GMDS: variants seen among roughly 807,000 people sequenced by gnomAD.
The protein encoded by GMDS is GDP-mannose 4,6-dehydratase.
A neutral mutation model predicts 49.9 loss-of-function variants in GMDS; 20 were observed. The ratio of observed to expected loss-of-function variants is 0.40; its 90% CI spans 0.28 to 0.58. GMDS has a LOEUF of 0.58. GMDS is among the 20% of genes least tolerant of loss of function. The pLI, the probability that GMDS is intolerant of heterozygous loss-of-function variation, is 0.42. For synonymous variants in GMDS, 177 were observed against 178.6 expected (o/e 0.99, Z 0.07); for missense variants, 362 against 481.4 (o/e 0.75, Z 2.32).
chr6:1,778,420 C>T lies in GMDS; in HGVS notation c.772-35834G>A, dbSNP rs74730162. On this transcript the variant is annotated intron_variant, in intron 7 of 10. Coordinates refer to ENST00000380815, the MANE Select transcript of GMDS (RefSeq NM_001500.4). This position sits in a 1 kb window ranked among gnomAD's most constrained non-coding sequence, Gnocchi z 4.6. ...TTAAAGGTTCAGTGGAGACAGCAGACGAGTGGAACGGCGGGCACTGTGCTG... is the reference window on the plus strand; with the variant it reads ...TTAAAGGTTCAGTGGAGACAGCAGATGAGTGGAACGGCGGGCACTGTGCTG... 4.4e-3 allele frequency among the ~76,000 whole-genome samples: 666 copies of T among 152,194 alleles called. 2 individuals are homozygous for T. The highest frequency in any genetic ancestry group is 6.8e-3 in the Middle Eastern group (2 of 292).
chr6:2,155,676 G>A (rs1562104246), intron 1 of GMDS, among the ~76,000 whole-genome samples: 1 of 152,132 alleles, frequency 6.6e-6, no homozygotes, highest in Non-Finnish European at 1.5e-5. Flanking sequence ...TATTAATGGA[G>A]CACTCTGGGA....
At chr6:1,847,381 T>C (rs1382785266) in intron 7 of GMDS, among the ~76,000 whole-genome samples, 1 of 152,184 alleles carries the variant, frequency 6.6e-6, no homozygotes, top group African/African-American at 2.4e-5. Flanking sequence ...ATCTAGAAGA[T>C]GGTGAGAAAA....
At chr6:1,937,761 C>G (rs1032918384) in intron 6 of GMDS, among the ~76,000 whole-genome samples, 2 of 152,216 alleles carry the variant, frequency 1.3e-5, no homozygotes, top group African/African-American at 4.8e-5. Flanking sequence ...AGATCCTTAA[C>G]TAATTATAAC....
At chr6:2,220,314 G>A (rs1038606445) in intron 1 of GMDS, among the ~76,000 whole-genome samples, 3 of 152,214 alleles carry the variant, frequency 2.0e-5, no homozygotes, top group African/African-American at 4.8e-5. Context: ...AGATGGAGAC[G>A]GAAAGCCTGC....
chr6:1,773,207 TTTTAAC>T (rs1270328475), intron 7 of GMDS, among the ~76,000 whole-genome samples: 7 of 147,550 alleles, frequency 4.7e-5, no homozygotes, highest in East Asian at 1.9e-4. Flanking sequence ...TTTTTTTTTT[TTTTAAC>T]TTTAAGAGAA....
chr6:1,659,529 C>G (rs1033884522), intron 9 of GMDS, among the ~76,000 whole-genome samples: 3 of 152,020 alleles, frequency 2.0e-5, no homozygotes, highest in African/African-American at 7.3e-5. Flanking sequence ...TACTGTCTAC[C>G]CAGATAGGTT....
At chr6:1,907,763 T>A (rs1760847441) in intron 7 of GMDS, among the ~76,000 whole-genome samples, 1 of 152,124 alleles carries the variant, frequency 6.6e-6, no homozygotes, top group Non-Finnish European at 1.5e-5. Context: ...TTTAAGGGAA[T>A]ATAGGGTTAT....
chr6:2,064,841 A>G (rs2127451468), intron 4 of GMDS, among the ~76,000 whole-genome samples: 1 of 152,124 alleles, frequency 6.6e-6, no homozygotes, highest in East Asian at 1.9e-4. Flanking sequence ...GGGGAGGGAG[A>G]TGTCATTCTA....
At position 1,746,213 on chromosome 6, in the gene GMDS, G is replaced by C. The variant is rs571369342; in HGVS notation, c.772-3627C>G. On this transcript the variant is annotated intron_variant, in intron 7 of 10. Transcript: ENST00000380815. The stretch of plus-strand genomic sequence containing the variant: ...CAGTGTTGAGGTTACATGTTTTAGA[G>C]GTCAGTCTTCTCTCTTTGTCTCTCA... 9.5e-5 allele frequency among the ~76,000 whole-genome samples: 11 copies of C among 115,520 alleles called. 1 individual carries two copies. In the South Asian group the frequency reaches 2.2e-3, roughly 23 times the overall value. The allele number at this position is 115,520 out of a possible 152,430, so 75.8% of individuals were successfully genotyped here.
At position 2,219,106 on chromosome 6, in the gene GMDS, A is replaced by T. The variant is rs150678158; in HGVS notation, c.102+26215T>A. Among the ~76,000 whole-genome samples, 410 of 152,308 alleles carry T rather than the reference A, an allele frequency of 2.7e-3. 1 individual carries two copies. Among genetic ancestry groups the T allele is most frequent in the African/African-American group, 9.4e-3 (389 of 41,564 alleles). On this transcript the variant is annotated intron_variant, in intron 1 of 10. Coordinates refer to ENST00000380815, the MANE Select transcript of GMDS (RefSeq NM_001500.4). ...AGCAAGACCCTGTGTGAAAAACAAAAAAAGAAAGTAAACAGGCAACAGGTC... is the reference window on the plus strand; with the variant it reads ...AGCAAGACCCTGTGTGAAAAACAAATAAAGAAAGTAAACAGGCAACAGGTC...
chr6:1,684,180 C>A (rs565145493), intron 9 of GMDS, among the ~76,000 whole-genome samples: 1 of 152,264 alleles, frequency 6.6e-6, no homozygotes, highest in East Asian at 1.9e-4. Context: ...GTAGTGACTT[C>A]ACCGTGCTGT....
intron 7 of GMDS, among the ~76,000 whole-genome samples, chr6:1,884,382 T>C (rs1197701278): frequency 1.3e-5 from 2 of 152,224 alleles, no homozygotes; most frequent in Non-Finnish European, 2.9e-5. Flanking sequence ...GATGTAGCGT[T>C]AACCAGGGAA....
intron 6 of GMDS, among the ~76,000 whole-genome samples, chr6:1,943,734 CA>C (rs1285097740): frequency 1.3e-5 from 2 of 152,176 alleles, no homozygotes; most frequent in African/African-American, 4.8e-5. Flanking sequence ...ATTATCTGGT[CA>C]CACTAGGCAG....
At chr6:2,156,596 T>C (rs1255794232) in intron 1 of GMDS, among the ~76,000 whole-genome samples, 1 of 152,202 alleles carries the variant, frequency 6.6e-6, no homozygotes, top group Non-Finnish European at 1.5e-5. Context: ...AGTGATACTT[T>C]GTTTTAAGAA....
chr6:1,934,537 T>A (rs1361052106), intron 6 of GMDS, among the ~76,000 whole-genome samples: 1 of 152,218 alleles, frequency 6.6e-6, no homozygotes, highest in African/African-American at 2.4e-5. Flanking sequence ...TTTATTTTGG[T>A]CTTTTAAAAT....
intron 7 of GMDS, among the ~76,000 whole-genome samples, chr6:1,786,077 T>C (rs773476315): frequency 7.2e-5 from 11 of 152,232 alleles, no homozygotes; most frequent in Non-Finnish European, 1.6e-4. Context: ...TTCAGCGTGA[T>C]ATTCCAGTGC....
chr6:1,678,322 A>T (rs1483350561), intron 9 of GMDS, among the ~76,000 whole-genome samples: 1 of 152,138 alleles, frequency 6.6e-6, no homozygotes, highest in African/African-American at 2.4e-5. Flanking sequence ...GCCCTTAGTC[A>T]ATCACCCTCC....
chr6:1,895,569 G>A (rs773104482), intron 7 of GMDS, among the ~76,000 whole-genome samples: 34 of 152,186 alleles, frequency 2.2e-4, no homozygotes, highest in Non-Finnish European at 7.3e-5. Flanking sequence ...ATACTGTATT[G>A]AACAGCACTG....
chr6:2,113,101 G>C (rs1051485881), intron 4 of GMDS, among the ~76,000 whole-genome samples: 1 of 152,122 alleles, frequency 6.6e-6, no homozygotes, highest in Non-Finnish European at 1.5e-5. Flanking sequence ...CCAGTAAAAT[G>C]TTTCCAAAAG....
Sources: allele counts gnomAD v4.1 joint callset (sites outside exome capture counted in the v4.1 genomes callset), GRCh38; gene constraint gnomAD v4.1.1; non-coding constraint Gnocchi (gnomAD v3.1); transcripts MANE v1.5; gene names NCBI Gene and HGNC (gene_info 2026-07-23, HGNC 2026-07-21).